Variants in TASP1 observed in about 807,000 individuals in gnomAD.
TASP1 encodes threonine aspartase 1.
TASP1 carries 16 observed loss-of-function variants against 56.6 expected under a neutral mutation model. The ratio of observed to expected loss-of-function variants is 0.28; its 90% CI spans 0.19 to 0.43. TASP1 has a LOEUF of 0.43. Among genes scored for constraint, TASP1 ranks in the 20% least tolerant of loss-of-function variants. The pLI is 1.00. For missense variants in TASP1, 393 were observed against 511.6 expected, an observed-to-expected ratio of 0.77 and a Z score of 2.24; for synonymous variants, 179 against 184.2, an observed-to-expected ratio of 0.97 and a Z score of 0.23.
intron 6 of TASP1, among the ~76,000 whole-genome samples, chr20:13,570,462 C>G (rs750249979): frequency 9.9e-5 from 15 of 152,090 alleles, no homozygotes; most frequent in South Asian, 8.3e-4. Context: ...ATTAAAAACT[C>G]GAAGTAACAC....
chr20:13,491,721 C>T (rs2043535886), intron 10 of TASP1, among the ~76,000 whole-genome samples: 1 of 152,018 alleles, frequency 6.6e-6, no homozygotes, highest in African/African-American at 2.4e-5. Context: ...CAAAATTTAC[C>T]AATTCTTGGC....
chr20:13,367,195 G>A, the TASP1 span, among the ~76,000 whole-genome samples: 14 of 152,246 alleles, frequency 9.2e-5, no homozygotes, highest in African/African-American at 2.9e-4. Context: ...GATTTTACAC[G>A]CATGACATGG....
chr20:13,141,862 G>A, the TASP1 span, among the ~76,000 whole-genome samples: 1 of 152,212 alleles, frequency 6.6e-6, no homozygotes, highest in Admixed American at 6.5e-5. Flanking sequence ...GGGCAAAAAA[G>A]TTCTACCTGG....
At chr20:13,291,299 G>A in the TASP1 span, among the ~76,000 whole-genome samples, 3 of 152,098 alleles carry the variant, frequency 2.0e-5, no homozygotes, top group Non-Finnish European at 4.4e-5. Flanking sequence ...GTAACATGAA[G>A]GATTTCGTTT....
the TASP1 span, among the ~76,000 whole-genome samples, chr20:13,315,658 A>C: frequency 1.3e-5 from 2 of 152,044 alleles, no homozygotes; most frequent in Non-Finnish European, 2.9e-5. Flanking sequence ...GACATAATGG[A>C]CATCTATAGC....
the TASP1 span, among the ~76,000 whole-genome samples, chr20:13,334,416 T>C: frequency 6.6e-6 from 1 of 152,216 alleles, no homozygotes; most frequent in Non-Finnish European, 1.5e-5. Context: ...TACTATTTAA[T>C]GTGTTCTTTT....
chr20:13,295,575 A>G, the TASP1 span, among the ~76,000 whole-genome samples: 1 of 152,202 alleles, frequency 6.6e-6, no homozygotes, highest in Non-Finnish European at 1.5e-5. Context: ...AGACACCTCC[A>G]AGACCCAGAC....
the TASP1 span, among the ~76,000 whole-genome samples, chr20:13,257,230 A>G: frequency 2.0e-5 from 3 of 152,312 alleles, no homozygotes; most frequent in Admixed American, 1.3e-4. Context: ...TTAAGAGAGT[A>G]TCGGCCAGGC....
the TASP1 span, among the ~76,000 whole-genome samples, chr20:13,231,229 C>T: frequency 6.6e-6 from 1 of 152,180 alleles, no homozygotes; most frequent in African/African-American, 2.4e-5. Flanking sequence ...TTCCATGAGG[C>T]CCCTGCTTGT....
intron 4 of TASP1, among the ~76,000 whole-genome samples, chr20:13,619,392 C>T (rs1223533167): frequency 2.0e-5 from 3 of 152,118 alleles, no homozygotes; most frequent in Non-Finnish European, 2.9e-5. Flanking sequence ...ACTCATTAGA[C>T]TTTTTTAAAC....
At chr20:13,452,539 C>T (rs1032085046) in intron 11 of TASP1, among the ~76,000 whole-genome samples, 1 of 151,312 alleles carries the variant, frequency 6.6e-6, no homozygotes, top group Non-Finnish European at 1.5e-5. Context: ...CATATATATA[C>T]ATATTCCATA....
the TASP1 span, among the ~76,000 whole-genome samples, chr20:13,224,508 T>G: frequency 6.6e-6 from 1 of 152,208 alleles, no homozygotes; most frequent in African/African-American, 2.4e-5. Context: ...CATCTAAATT[T>G]GTTGGTTCTG....
At chr20:13,269,258 T>C in the TASP1 span, among the ~76,000 whole-genome samples, 1 of 152,164 alleles carries the variant, frequency 6.6e-6, no homozygotes, top group Non-Finnish European at 1.5e-5. Context: ...CCCTGAAGGC[T>C]GGAGTAAATC....
chr20:13,122,697 A>T, the TASP1 span, among the ~76,000 whole-genome samples: 1 of 152,230 alleles, frequency 6.6e-6, no homozygotes, highest in Admixed American at 6.5e-5. Flanking sequence ...ACCTCAGGCC[A>T]CCAGGGAATA....
Position 13,546,448 on chromosome 20 carries a change from A to G in TASP1, c.676-12307T>C, listed in dbSNP as rs555314338. Among the ~76,000 whole-genome samples the G allele has an allele frequency of 2.1e-3, 317 of 152,354 alleles. 2 individuals carry two copies. The highest frequency in any genetic ancestry group is 7.4e-3 in the African/African-American group (308 of 41,594). ...TACAAAATAAAAATGCTCTTAGCAC[A>G]GCCAAAAAAAGGCACAATCACAAGC... On this transcript the variant is annotated intron_variant, in intron 8 of 13. Coordinates refer to ENST00000337743, the MANE Select transcript of TASP1 (RefSeq NM_017714.3).
At chr20:13,502,484 T>C (rs562262822) in intron 10 of TASP1, among the ~76,000 whole-genome samples, 4 of 152,276 alleles carry the variant, frequency 2.6e-5, no homozygotes, top group East Asian at 1.9e-4. Flanking sequence ...TATGATACCA[T>C]AGACCTATAG....
At chr20:13,129,194 G>T in the TASP1 span, among the ~76,000 whole-genome samples, 2 of 152,050 alleles carry the variant, frequency 1.3e-5, no homozygotes, top group Non-Finnish European at 1.5e-5. Flanking sequence ...TCGAGACGGG[G>T]TTTCACCACG....
chr20:13,162,703 C>T, the TASP1 span, among the ~76,000 whole-genome samples: 1 of 152,184 alleles, frequency 6.6e-6, no homozygotes, highest in African/African-American at 2.4e-5. Flanking sequence ...ACTCTAGCCT[C>T]GCTTTCATTC....
At chr20:13,169,139 T>C in the TASP1 span, 2 of 152,196 alleles carry the variant, frequency 1.3e-5, no homozygotes, top group East Asian at 1.9e-4. Context: ...TAGGTTACCC[T>C]GAAAAAAGAC....
Sources: allele counts gnomAD v4.1 joint callset (sites outside exome capture counted in the v4.1 genomes callset), GRCh38; gene constraint gnomAD v4.1.1; transcripts MANE v1.5; gene names NCBI Gene and HGNC (gene_info 2026-07-23, HGNC 2026-07-21).